The following CCM2 variants were observed in gnomAD, a reference collection of about 807,000 sequenced individuals.
CCM2 encodes the protein CCM2 scaffold protein, also known as cerebral cavernous malformations 2 protein.
In CCM2, 25 loss-of-function variants were observed where a neutral mutation model predicts 44.9. The observed-to-expected ratio is 0.56, with a 90% CI of 0.41 to 0.78. CCM2 has a LOEUF of 0.78. Among genes scored for constraint, CCM2 ranks in the 30% least tolerant of loss-of-function variants. CCM2 has a pLI of 0.00. For missense variants in CCM2, 481 were observed against 580.6 expected, an observed-to-expected ratio of 0.83 and a Z score of 1.76; for synonymous variants, 219 against 241.1, an observed-to-expected ratio of 0.91 and a Z score of 0.85.
Position 45,000,215 on chromosome 7 carries a change from C to T in CCM2, c.-119C>T. On this transcript the variant is annotated 5_prime_UTR_variant, in exon 1 of 10. Coordinates refer to ENST00000258781, the MANE Select transcript of CCM2 (RefSeq NM_031443.4). ...GCGGCCGGGGCGGAGACTTCGGGCC[C>T]GGCTGGCGGGCGGCGCCGGGAGCGC... is the stretch of plus-strand genomic sequence containing the variant. The T allele has an allele frequency of 1.9e-6, 1 of 520,922 alleles. No homozygotes were observed. The highest frequency in any genetic ancestry group is 2.3e-6 in the Non-Finnish European group (1 of 433,152). The allele number at this position is 520,922 out of a possible 1,614,324, so 32.3% of individuals were successfully genotyped here. A position where few individuals can be genotyped will look rare whatever the true frequency, so the allele number is the denominator to read the frequency against.
chr7:45,020,488 A>G (rs543451283), intron 1 of CCM2, among the ~76,000 whole-genome samples: 3 of 152,262 alleles, frequency 2.0e-5, no homozygotes, highest in East Asian at 3.9e-4. Flanking sequence ...CAGCCCTCCT[A>G]TGGACTTTTA....
chr7:45,018,248 C>T (rs1028477579), intron 1 of CCM2, among the ~76,000 whole-genome samples: 1 of 152,168 alleles, frequency 6.6e-6, no homozygotes, highest in East Asian at 1.9e-4. Flanking sequence ...CGGCCTGGCT[C>T]CTAACAGGCC....
intron 1 of CCM2, among the ~76,000 whole-genome samples, chr7:45,001,394 A>T (rs555293553): frequency 1.3e-3 from 203 of 152,232 alleles, no homozygotes; most frequent in Non-Finnish European, 2.6e-3. Flanking sequence ...AGTCTGGAAA[A>T]TAGCTCAAGA....
Position 45,000,341 on chromosome 7 carries a change from A to G in CCM2, c.8A>G (p.Glu3Gly). The part of the protein sequence containing the change: ME[E>G]EGKKGKKPGI... ...GGAGCCGCACGCGGCGATATGGAAG[A>G]GGAGGGCAAGAAGGGCAAGAAGGTG... Residue 3 changes from glutamate to glycine, a missense_variant, in exon 1 of 10, where the codon GAG (glutamate) becomes GGG (glycine). Physicochemically the swap from Glu to Gly is moderately conservative, Grantham distance 98. Transcript: ENST00000258781. The G allele has an allele frequency of 7.9e-7, 1 of 1,272,474 alleles. No homozygotes were observed. The highest frequency in any genetic ancestry group is 2.8e-5 in the South Asian group (1 of 35,096). 78.8% of individuals were successfully genotyped at this position (1,272,474 alleles called of 1,614,324 possible). A position where few individuals can be genotyped will look rare whatever the true frequency, so the allele number is the denominator to read the frequency against.
chr7:45,000,420 GC>G, intron 1 of CCM2, 57 bp downstream of exon 1: 3 of 739,040 alleles, frequency 4.1e-6, no homozygotes, highest in Non-Finnish European at 5.5e-6. Context: ...GGGTTGAGGG[GC>G]CAGGGTGGGG....
chr7:45,074,311 A>G lies in CCM2; in HGVS notation c.957A>G (p.Ala319=). Residue 319 remains alanine (A), a synonymous_variant, in exon 9 of 10, where the codon GCA becomes GCG. Transcript: ENST00000258781. ...CATCACAGGAGATCCAGCAGTTTGCAGCACTGCTGCACGAGTACCGCAATG... is the reference window on the plus strand; with the variant it reads ...CATCACAGGAGATCCAGCAGTTTGCGGCACTGCTGCACGAGTACCGCAATG... ...KLSSQEIQQF[A]ALLHEYRNGA... 6.2e-7 allele frequency: 1 copy of G among 1,613,748 alleles called. No individual in the cohort carries two copies.
chr7:45,018,009 C>T (rs1459818550), intron 1 of CCM2, among the ~76,000 whole-genome samples: 2 of 152,166 alleles, frequency 1.3e-5, no homozygotes, highest in Non-Finnish European at 1.5e-5. Context: ...GGACCGGTTT[C>T]GTGGCAGACA....
intron 2 of CCM2, among the ~76,000 whole-genome samples, chr7:45,051,383 GTATTTATT>G (rs71565942): frequency 2.0e-4 from 30 of 150,520 alleles, no homozygotes; most frequent in Non-Finnish European, 3.1e-4. Flanking sequence ...GGATGCTTGG[GTATTTATT>G]TATTTATTTA....
intron 2 of CCM2, among the ~76,000 whole-genome samples, chr7:45,044,388 G>A (rs1287119483): frequency 2.6e-5 from 4 of 152,090 alleles, no homozygotes; most frequent in African/African-American, 4.8e-5. Context: ...CTCCCGCCTC[G>A]GCCTCCAAAG....
intron 1 of CCM2, chr7:45,027,309 C>T: frequency 2.9e-6 from 1 of 343,206 alleles, no homozygotes; most frequent in South Asian, 2.4e-5. Flanking sequence ...CCTGTTGTCT[C>T]CAGGAAATGG....
chr7:45,073,342 T>TA lies in CCM2; in HGVS notation c.804-117dup, dbSNP rs556859378. On this transcript the variant is annotated intron_variant, in intron 7 of 9. Transcript: ENST00000258781. ...TCCTCTCATCATCATCATCATCACT[T>TA]ACATTCCTCTGTTCAAGGACAGGGA... 541 of 715,990 alleles carry TA rather than the reference T, an allele frequency of 7.6e-4. 10 individuals are homozygous for TA. In the South Asian group the frequency reaches 8.2e-3, roughly 11 times the overall value. The allele number at this position is 715,990 out of a possible 1,614,324, so 44.4% of individuals were successfully genotyped here. A position where few individuals can be genotyped will look rare whatever the true frequency, so the allele number is the denominator to read the frequency against.
intron 1 of CCM2, chr7:45,027,400 C>G: frequency 2.1e-6 from 1 of 476,216 alleles, no homozygotes; most frequent in South Asian, 2.1e-5. Context: ...AAATTAATGT[C>G]CTTCTGTTGA....
chr7:45,051,312 G>T (rs62458145), intron 2 of CCM2, among the ~76,000 whole-genome samples: 20,288 of 152,146 alleles, frequency 0.13, 1,658 homozygotes, highest in Middle Eastern at 0.23. Context: ...AAAGAAGAGG[G>T]GGCATCCTTT....
chr7:45,012,695 C>A (rs1156702169), intron 1 of CCM2, among the ~76,000 whole-genome samples: 4 of 151,848 alleles, frequency 2.6e-5, no homozygotes, highest in African/African-American at 9.7e-5. Context: ...GCTGGGAGTA[C>A]AGGTGTGCGC....
At chr7:45,040,531 A>C in intron 2 of CCM2, among the ~76,000 whole-genome samples, 1 of 152,208 alleles carries the variant, frequency 6.6e-6, no homozygotes, top group East Asian at 1.9e-4. Context: ...GAAGAGTGAG[A>C]AGAAGTTATT....
Position 45,076,386 on chromosome 7 carries a change from C to A in CCM2, c.*329C>A. The A allele has an allele frequency of 2.0e-6, 1 of 502,976 alleles. No individual in the cohort carries two copies. The highest frequency in any genetic ancestry group is 1.7e-5 in the South Asian group (1 of 57,544). 31.2% of individuals were successfully genotyped at this position (502,976 alleles called of 1,614,324 possible). On this transcript the variant is annotated 3_prime_UTR_variant, in exon 10 of 10. Transcript: ENST00000258781. The stretch of plus-strand genomic sequence containing the variant: ...GGCCCTTGGACGGCTGTCAGTTTTG[C>A]ACATGATGTTCCTATTGTAACTCTC...
In CCM2 at chr7:45,069,568, T is replaced by G. The variant is rs1035083004; in HGVS notation, c.610-258T>G. Among the ~76,000 whole-genome samples the G allele has an allele frequency of 2.0e-5, 3 of 152,360 alleles. No individual in the cohort carries two copies. The East Asian group carries it at 5.8e-4, about 29-fold the overall frequency. On this transcript the variant is annotated intron_variant, in intron 5 of 9. Coordinates refer to ENST00000258781, the MANE Select transcript of CCM2 (RefSeq NM_031443.4). ...AGACGTTGGACTGGCAGCTAACACT[T>G]GTGCCCTGCACAGTCCCCTCACACT...
At chr7:45,036,765 A>T (rs1797237374) in intron 1 of CCM2, among the ~76,000 whole-genome samples, 2 of 152,006 alleles carry the variant, frequency 1.3e-5, no homozygotes, top group African/African-American at 4.8e-5. Context: ...CTGGAGAGAG[A>T]CAGAAATGAG....
intron 2 of CCM2, among the ~76,000 whole-genome samples, chr7:45,051,956 C>T (rs1046184803): frequency 9.9e-5 from 15 of 152,228 alleles, no homozygotes; most frequent in Non-Finnish European, 1.0e-4. Context: ...CCACCCGCCT[C>T]GGCCTCCCAA....
Sources: gnomAD v4.1 joint callset for allele counts (sites outside exome capture counted in the v4.1 genomes callset) on GRCh38, gnomAD v4.1.1 for gene constraint, MANE v1.5 for transcripts, NCBI Gene and HGNC (gene_info 2026-07-23, HGNC 2026-07-21) for gene names.